Variants in MAGI2 observed in about 807,000 individuals in gnomAD.
The protein encoded by MAGI2 is membrane-associated guanylate kinase, WW and PDZ domain-containing protein 2.
Under a neutral mutation model 133.3 loss-of-function variants are expected in MAGI2, and 35 were observed. The observed-to-expected ratio is 0.26, with a 90% CI of 0.20 to 0.35. The LOEUF (loss-of-function observed/expected upper bound fraction) is 0.35. Among genes scored for constraint, MAGI2 ranks in the 10% least tolerant of loss-of-function variants. MAGI2 has a pLI of 1.00. For synonymous variants in MAGI2, 729 were observed against 710.6 expected (o/e 1.03, Z -0.41); for missense variants, 1,636 against 1,863.4 (o/e 0.88, Z 2.25).
At chr7:78,044,960 A>G (rs1811269847) in intron 21 of MAGI2, among the ~76,000 whole-genome samples, 1 of 152,194 alleles carries the variant, frequency 6.6e-6, no homozygotes, top group South Asian at 2.1e-4. Flanking sequence ...CGAGGTCAAG[A>G]GATAGAGACC....
rs865790456 is a variant in MAGI2, at chr7:78,120,851, A to T, written c.3567+4843T>A. On this transcript the variant is annotated intron_variant, in intron 20 of 21. Transcript: ENST00000354212. ...CCCGTCTCTACTAAAAATACAAAAA[A>T]TTAGCCGGGCGTAGTGGCGGGCGCC... Among the ~76,000 whole-genome samples, 141 of 150,454 alleles carry T rather than the reference A, an allele frequency of 9.4e-4. 1 individual carries two copies. Among genetic ancestry groups the T allele is most frequent in the Non-Finnish European group, 1.8e-3 (120 of 67,516 alleles).
chr7:78,614,236 G>A (rs571150278), intron 3 of MAGI2: 2 of 149,896 alleles, frequency 1.3e-5, no homozygotes, highest in Non-Finnish European at 2.9e-5. Context: ...GTGTACTGCA[G>A]CTTTTACTCC....
intron 1 of MAGI2, among the ~76,000 whole-genome samples, chr7:79,208,606 T>C (rs2129552473): frequency 6.6e-6 from 1 of 152,114 alleles, no homozygotes; most frequent in East Asian, 1.9e-4. Context: ...ATAGCCATCA[T>C]GGAAAACAGT....
At chr7:78,311,459 A>T (rs1165565175) in intron 9 of MAGI2, among the ~76,000 whole-genome samples, 6 of 152,252 alleles carry the variant, frequency 3.9e-5, no homozygotes, top group African/African-American at 1.4e-4. Context: ...GTGTTTCAGA[A>T]TCCAGACTAC....
chr7:79,339,630 T>G (rs1377598266), intron 1 of MAGI2, among the ~76,000 whole-genome samples: 1 of 152,194 alleles, frequency 6.6e-6, no homozygotes, highest in Non-Finnish European at 1.5e-5. Context: ...TATTAAGTGC[T>G]TATCACCAGC....
At chr7:78,955,728 T>TCTTTCTTCCTTC (rs1562712791) in intron 2 of MAGI2, among the ~76,000 whole-genome samples, 1 of 28,412 alleles carries the variant, frequency 3.5e-5, no homozygotes, top group African/African-American at 9.9e-5. Context: ...TCTTTCTCTT[T>TCTTTCTTCCTTC]CTTTCTTTCT....
chr7:78,117,825 A>G (rs950793591), intron 20 of MAGI2, among the ~76,000 whole-genome samples: 3 of 152,218 alleles, frequency 2.0e-5, no homozygotes, highest in Admixed American at 2.0e-4. Context: ...GCCTGATATA[A>G]TTGATCAATA....
rs1848602221 is a variant in MAGI2 at position 79,443,169 on chromosome 7, T to C, written c.301+9851A>G. Among the ~76,000 whole-genome samples the C allele has an allele frequency of 4.0e-5, 6 of 151,896 alleles. No homozygotes were observed. The South Asian group carries it at 1.2e-3, about 32-fold the overall frequency. ...TGCCTGTAGACCCAGCTACTTGGGA[T>C]GCTGAGGCAGAAGAATCACTTGAAC... On this transcript the variant is annotated intron_variant, in intron 1 of 21. Transcript: ENST00000354212.
At chr7:79,197,313 A>G (rs1828171383) in intron 1 of MAGI2, among the ~76,000 whole-genome samples, 1 of 152,042 alleles carries the variant, frequency 6.6e-6, no homozygotes, top group African/African-American at 2.4e-5. Flanking sequence ...TATGCCTGAA[A>G]TAAAAAACCC....
chr7:78,061,833 TGTTA>T (rs775505375), intron 21 of MAGI2, among the ~76,000 whole-genome samples: 15 of 152,214 alleles, frequency 9.9e-5, no homozygotes, highest in Non-Finnish European at 1.5e-4. Context: ...TGACCAACAG[TGTTA>T]GTTGTTACAG....
In MAGI2 at chr7:78,922,562, T is replaced by C. The variant is rs1332032872; in HGVS notation, c.418+84528A>G. On this transcript the variant is annotated intron_variant, in intron 2 of 21. Transcript: ENST00000354212. Reference sequence around the variant, plus strand: ...GCTGCATAGTATTCCATGGTGTATATGTGCCACATTTTCTTAATCCAGTCT... The same window carrying C: ...GCTGCATAGTATTCCATGGTGTATACGTGCCACATTTTCTTAATCCAGTCT... Among the ~76,000 whole-genome samples the C allele has an allele frequency of 8.5e-5, 13 of 152,260 alleles. No homozygotes were observed. In the East Asian group the frequency reaches 1.2e-3, roughly 14 times the overall value.
chr7:79,334,127 G>C (rs927106342), intron 1 of MAGI2, among the ~76,000 whole-genome samples: 19 of 152,108 alleles, frequency 1.2e-4, no homozygotes, highest in Admixed American at 6.5e-5. Flanking sequence ...ACTGAGGAAA[G>C]GACTTGAAGT....
intron 1 of MAGI2, among the ~76,000 whole-genome samples, chr7:79,443,010 G>A (rs1387205591): frequency 2.0e-5 from 3 of 151,904 alleles, no homozygotes; most frequent in South Asian, 2.1e-4. Flanking sequence ...GGTGACTCAC[G>A]CCTGTAATCC....
chr7:79,213,458 G>C, intron 1 of MAGI2, among the ~76,000 whole-genome samples: 1 of 151,984 alleles, frequency 6.6e-6, no homozygotes, highest in East Asian at 1.9e-4. Flanking sequence ...TGATAAGTGT[G>C]CACCTACGTG....
At chr7:79,261,217 TA>T (rs2129556418) in intron 1 of MAGI2, among the ~76,000 whole-genome samples, 1 of 152,300 alleles carries the variant, frequency 6.6e-6, no homozygotes, top group East Asian at 1.9e-4. Context: ...CAATAGCTAT[TA>T]GACTCTCTCA....
chr7:78,492,466 C>T (rs1429774774), intron 5 of MAGI2, among the ~76,000 whole-genome samples: 14 of 152,114 alleles, frequency 9.2e-5, no homozygotes, highest in Admixed American at 9.2e-4. Flanking sequence ...GCATGCTCCT[C>T]CAAGATTCCT....
At chr7:78,312,398 C>T (rs1798785581) in intron 9 of MAGI2, among the ~76,000 whole-genome samples, 1 of 151,978 alleles carries the variant, frequency 6.6e-6, no homozygotes, top group African/African-American at 2.4e-5. Context: ...ATTTTAGCTA[C>T]CGCAAAAAGT....
intron 2 of MAGI2, among the ~76,000 whole-genome samples, chr7:78,824,532 G>A (rs921357666): frequency 1.3e-5 from 2 of 152,178 alleles, no homozygotes; most frequent in African/African-American, 4.8e-5. Flanking sequence ...GATCAGAGAT[G>A]ATGAGCTTTT....
At chr7:78,210,813 G>C (rs1476072098) in intron 10 of MAGI2, among the ~76,000 whole-genome samples, 1 of 152,182 alleles carries the variant, frequency 6.6e-6, no homozygotes, top group Non-Finnish European at 1.5e-5. Context: ...CATAATACAA[G>C]ACTTTTTATT....
Sources: gnomAD v4.1 joint callset for allele counts (sites outside exome capture counted in the v4.1 genomes callset) on GRCh38, gnomAD v4.1.1 for gene constraint, MANE v1.5 for transcripts, NCBI Gene and HGNC (gene_info 2026-07-23, HGNC 2026-07-21) for gene names.